MYO1E: variants seen among roughly 807,000 people sequenced by gnomAD.
The protein encoded by MYO1E is unconventional myosin-Ie.
In MYO1E, 68 loss-of-function variants were observed where a neutral mutation model predicts 151.1. The observed-to-expected ratio is 0.45, with a 90% CI of 0.37 to 0.55. MYO1E has a LOEUF of 0.55. Ranked by LOEUF, MYO1E falls within the 20% of genes least tolerant of loss-of-function variation. The pLI, the probability that MYO1E is intolerant of heterozygous loss-of-function variation, is 0.00. For synonymous variants in MYO1E, 601 were observed against 501.7 expected, an observed-to-expected ratio of 1.20 and a Z score of -2.64; for missense variants, 1,363 against 1,389.3, an observed-to-expected ratio of 0.98 and a Z score of 0.30.
At chr15:59,169,174 G>A (rs548200268) in intron 22 of MYO1E, among the ~76,000 whole-genome samples, 1 of 152,314 alleles carries the variant, frequency 6.6e-6, no homozygotes, top group East Asian at 1.9e-4. Flanking sequence ...AAGCTTATGG[G>A]ATACTTTGAT....
intron 1 of MYO1E, among the ~76,000 whole-genome samples, chr15:59,292,609 C>T (rs906574329): frequency 3.3e-5 from 5 of 152,208 alleles, no homozygotes; most frequent in Non-Finnish European, 7.3e-5. Context: ...TCAGGGCCAG[C>T]CTCTGAAAGG....
At chr15:59,233,827 C>G (rs2080043842) in intron 5 of MYO1E, among the ~76,000 whole-genome samples, 1 of 151,172 alleles carries the variant, frequency 6.6e-6, no homozygotes, top group Non-Finnish European at 1.5e-5. Context: ...AATAGGGAAG[C>G]CATAAGCTAC....
At chr15:59,196,986 C>CATTTTTT (rs771288212) in intron 16 of MYO1E, among the ~76,000 whole-genome samples, 1 of 71,492 alleles carries the variant, frequency 1.4e-5, no homozygotes, top group Non-Finnish European at 2.5e-5. Context: ...TTAATTACGA[C>CATTTTTT]TTTTTTTTTT....
intron 4 of MYO1E, among the ~76,000 whole-genome samples, chr15:59,236,963 A>G (rs991883529): frequency 2.6e-5 from 4 of 152,226 alleles, no homozygotes; most frequent in African/African-American, 9.6e-5. Context: ...ATGATTAGGA[A>G]AATTATGGAG....
intron 1 of MYO1E, among the ~76,000 whole-genome samples, chr15:59,344,650 A>G (rs566206837): frequency 6.6e-6 from 1 of 152,240 alleles, no homozygotes; most frequent in Non-Finnish European, 1.5e-5. Flanking sequence ...GTCTGGAGTC[A>G]GAAATGTTAG....
chr15:59,199,632 G>C (rs964559007), intron 16 of MYO1E, among the ~76,000 whole-genome samples: 1 of 151,976 alleles, frequency 6.6e-6, no homozygotes, highest in Non-Finnish European at 1.5e-5. Flanking sequence ...AATATAATAA[G>C]AGTTCCCATC....
chr15:59,366,684 ACTTCT>A (rs2080915877), intron 1 of MYO1E, among the ~76,000 whole-genome samples: 1 of 152,076 alleles, frequency 6.6e-6, no homozygotes, highest in Admixed American at 6.6e-5. Context: ...TTACAGTTGT[ACTTCT>A]CTTAAGTGTG....
intron 23 of MYO1E, 46 bp downstream of exon 23, chr15:59,163,111 C>G: frequency 6.2e-7 from 1 of 1,608,808 alleles, no homozygotes; most frequent in Non-Finnish European, 8.5e-7. Flanking sequence ...GATCAAGACC[C>G]CTTTTTAGCT....
At chr15:59,355,012 A>G (rs2080845632) in intron 1 of MYO1E, among the ~76,000 whole-genome samples, 1 of 152,150 alleles carries the variant, frequency 6.6e-6, no homozygotes, top group Non-Finnish European at 1.5e-5. Context: ...GTCTCCTTTA[A>G]TCCGCTGGCT....
At chr15:59,309,749 C>T (rs1052007063) in intron 1 of MYO1E, among the ~76,000 whole-genome samples, 7 of 152,306 alleles carry the variant, frequency 4.6e-5, no homozygotes, top group South Asian at 2.1e-4. Flanking sequence ...GGTTGCCCTT[C>T]GGTTTCTTCC....
chr15:59,192,196 T>G (rs1019929192), intron 17 of MYO1E, among the ~76,000 whole-genome samples: 2 of 149,586 alleles, frequency 1.3e-5, no homozygotes, highest in African/African-American at 5.1e-5. Context: ...CTTACTGGAA[T>G]TATAAATCAA....
intron 1 of MYO1E, among the ~76,000 whole-genome samples, chr15:59,315,978 A>G (rs2080586382): frequency 6.6e-6 from 1 of 152,146 alleles, no homozygotes; most frequent in African/African-American, 2.4e-5. Flanking sequence ...GACACTGAGG[A>G]ATACTTTTGC....
intron 16 of MYO1E, among the ~76,000 whole-genome samples, 170 bp from the exon 17 acceptor site, chr15:59,195,737 C>T (rs186722076): frequency 2.2e-4 from 34 of 152,232 alleles, no homozygotes; most frequent in Admixed American, 2.0e-3. Context: ...AAAGCTTTGC[C>T]GACTTTTATG....
At chr15:59,289,484 G>C (rs1384985990) in intron 1 of MYO1E, among the ~76,000 whole-genome samples, 2 of 152,156 alleles carry the variant, frequency 1.3e-5, no homozygotes, top group Non-Finnish European at 2.9e-5. Flanking sequence ...TTTCTTTCCA[G>C]TGAGTTTCCT....
At chr15:59,305,294 A>G (rs1249804141) in intron 1 of MYO1E, among the ~76,000 whole-genome samples, 1 of 152,156 alleles carries the variant, frequency 6.6e-6, no homozygotes, top group Non-Finnish European at 1.5e-5. Flanking sequence ...CCCGGGATCA[A>G]GCAATCCTCC....
rs117461956 is a variant in MYO1E, at chr15:59,209,113, T to C, written c.1363-265A>G. On this transcript the variant is annotated intron_variant, in intron 13 of 27. Coordinates refer to ENST00000288235, the MANE Select transcript of MYO1E (RefSeq NM_004998.4). The stretch of plus-strand genomic sequence containing the variant: ...CAAGAGTCATGCACAGATCATTATC[T>C]GCTCACTCATAGTCATGCCAAATTG... 70 of 521,124 alleles carry C rather than the reference T, an allele frequency of 1.3e-4. No individual in the cohort carries two copies. In the East Asian group the frequency reaches 2.4e-3, roughly 18 times the overall value. The allele number at this position is 521,124 out of a possible 1,614,324, so 32.3% of individuals were successfully genotyped here.
chr15:59,185,345 G>A (rs908004486), intron 18 of MYO1E, among the ~76,000 whole-genome samples: 6 of 152,076 alleles, frequency 3.9e-5, no homozygotes, highest in African/African-American at 4.8e-5. Flanking sequence ...CCAACTCACT[G>A]CAACTTCCAT....
chr15:59,190,274 G>A (rs1376315172), intron 17 of MYO1E, among the ~76,000 whole-genome samples: 1 of 152,164 alleles, frequency 6.6e-6, no homozygotes, highest in African/African-American at 2.4e-5. Context: ...GCAGTAGGGA[G>A]GTAACTCCTC....
intron 25 of MYO1E, among the ~76,000 whole-genome samples, chr15:59,154,261 T>C (rs188230359): frequency 6.6e-6 from 1 of 152,296 alleles, no homozygotes; most frequent in East Asian, 1.9e-4. Flanking sequence ...GACATCCATT[T>C]TCGAGGGGTC....
Sources: allele counts gnomAD v4.1 joint callset (sites outside exome capture counted in the v4.1 genomes callset), GRCh38; gene constraint gnomAD v4.1.1; transcripts MANE v1.5; gene names NCBI Gene and HGNC (gene_info 2026-07-23, HGNC 2026-07-21).